The following USP37 variants were observed in gnomAD, a reference collection of about 807,000 sequenced individuals.
USP37 encodes ubiquitin carboxyl-terminal hydrolase 37.
USP37 carries 27 observed loss-of-function variants against 124.0 expected under a neutral mutation model. That is an observed-to-expected ratio of 0.22 (90% CI 0.16 to 0.30). USP37 has a LOEUF of 0.30. Ranked by LOEUF, USP37 falls within the 10% of genes least tolerant of loss-of-function variation. USP37 has a pLI of 1.00. For synonymous variants in USP37, 365 were observed against 388.0 expected, an observed-to-expected ratio of 0.94 and a Z score of 0.70; for missense variants, 889 against 1,140.4, an observed-to-expected ratio of 0.78 and a Z score of 3.17.
chr2:218,556,963 A>T (rs1278394504), intron 4 of USP37, among the ~76,000 whole-genome samples: 1 of 152,114 alleles, frequency 6.6e-6, no homozygotes, highest in Non-Finnish European at 1.5e-5. Flanking sequence ...CACAGGCTCA[A>T]GCCATCTTCC....
intron 10 of USP37, among the ~76,000 whole-genome samples, chr2:218,527,798 G>T (rs911671212): frequency 6.6e-6 from 1 of 152,114 alleles, no homozygotes; most frequent in African/African-American, 2.4e-5. Context: ...AAGTGCTTGA[G>T]ATACCACCCA....
chr2:218,485,271 C>T (rs1475810824), intron 16 of USP37, among the ~76,000 whole-genome samples: 1 of 152,112 alleles, frequency 6.6e-6, no homozygotes, highest in Non-Finnish European at 1.5e-5. Flanking sequence ...TCTCAAGACC[C>T]TTTTTCTCTT....
chr2:218,478,288 G>A (rs562775681), intron 18 of USP37, among the ~76,000 whole-genome samples: 1 of 152,222 alleles, frequency 6.6e-6, no homozygotes, highest in African/African-American at 2.4e-5. Flanking sequence ...GCTCAAAAGG[G>A]TTTTTAGTAT....
At position 218,544,426 on chromosome 2, in the gene USP37, TATATAGAGAGAG is replaced by T. The variant is rs1215946387; in HGVS notation, c.680+1783_680+1794del. ...AAAAAAATATATATATATATATATA[TATATAGAGAGAG>T]AGAGAGAGAGAGAGAGAGAGAGACC... On this transcript the variant is annotated intron_variant, in intron 8 of 25. Coordinates refer to ENST00000258399, the MANE Select transcript of USP37 (RefSeq NM_020935.3). Among the ~76,000 whole-genome samples the T allele has an allele frequency of 4.6e-4, 22 of 47,726 alleles. No individual in the cohort carries two copies. The South Asian group carries it at 4.7e-3, about 10-fold the overall frequency. 31.3% of individuals were successfully genotyped at this position (47,726 alleles called of 152,430 possible).
At chr2:218,474,401 G>A (rs769691491) in intron 20 of USP37, among the ~76,000 whole-genome samples, 10 of 151,882 alleles carry the variant, frequency 6.6e-5, no homozygotes, top group African/African-American at 1.7e-4. Flanking sequence ...TCACTCTGTC[G>A]CCCAGGCTGG....
intron 22 of USP37, among the ~76,000 whole-genome samples, chr2:218,460,617 A>G (rs1454859558): frequency 6.6e-6 from 1 of 152,186 alleles, no homozygotes; most frequent in African/African-American, 2.4e-5. Flanking sequence ...AAAGGATTAT[A>G]AAAAGGTCAA....
chr2:218,497,825 A>T lies in USP37; in HGVS notation c.1190T>A (p.Ile397Asn), dbSNP rs1437068912. ...ATCCTTTTTGGTCTCTGAATTACAG[A>T]TATCTTTTTTAACAAGCAAGTGTGC... is the stretch of plus-strand genomic sequence containing the variant. Reference protein sequence around the residue: ...RFAHLLVKKDICNSETKKDLL... With the variant: ...RFAHLLVKKDNCNSETKKDLL... Residue 397 changes from isoleucine (I) to asparagine (N), a missense_variant, in exon 13 of 26, where the codon ATC (isoleucine) becomes AAC (asparagine). Transcript: ENST00000258399. 1 of 1,614,028 alleles carries T rather than the reference A, an allele frequency of 6.2e-7. No individual in the cohort carries two copies. Among genetic ancestry groups the T allele is most frequent in the South Asian group, 1.1e-5 (1 of 91,080 alleles).
intron 10 of USP37, among the ~76,000 whole-genome samples, chr2:218,510,792 AG>A (rs536206217): frequency 9.9e-5 from 15 of 152,134 alleles, no homozygotes; most frequent in Admixed American, 2.0e-4. Flanking sequence ...CAGGAGTTTG[AG>A]ACCAGCTTGG....
At chr2:218,476,402 T>C (rs1200924772) in intron 19 of USP37, among the ~76,000 whole-genome samples, 1 of 148,098 alleles carries the variant, frequency 6.8e-6, no homozygotes, top group African/African-American at 2.4e-5. Flanking sequence ...AGTAAGACCT[T>C]GTCTCTACAA....
At chr2:218,552,768 T>C (rs1692736131) in intron 5 of USP37, among the ~76,000 whole-genome samples, 2 of 152,120 alleles carry the variant, frequency 1.3e-5, no homozygotes, top group South Asian at 4.1e-4. Context: ...TTCAGAATAA[T>C]TTTCATATAG....
intron 10 of USP37, among the ~76,000 whole-genome samples, chr2:218,522,288 CACACTGGCTCATGCCTGTAAG>C (rs1382543805): frequency 6.6e-6 from 1 of 151,990 alleles, no homozygotes; most frequent in Non-Finnish European, 1.5e-5. Flanking sequence ...TAAGGCTGAG[CACACTGGCTCATGCCTGTAAG>C]CCCAGCACTC....
intron 11 of USP37, among the ~76,000 whole-genome samples, chr2:218,504,603 T>G (rs927648882): frequency 6.6e-6 from 1 of 152,174 alleles, no homozygotes; most frequent in Non-Finnish European, 1.5e-5. Context: ...TTTTTTATTT[T>G]ATTTTATTAT....
intron 3 of USP37, among the ~76,000 whole-genome samples, chr2:218,560,595 G>C (rs895925089): frequency 6.6e-6 from 1 of 152,156 alleles, no homozygotes; most frequent in Non-Finnish European, 1.5e-5. Flanking sequence ...ACTATCTATA[G>C]GGGCTAGCAG....
At chr2:218,503,503 G>A (rs573487712) in intron 11 of USP37, among the ~76,000 whole-genome samples, 1 of 152,318 alleles carries the variant, frequency 6.6e-6, no homozygotes, top group South Asian at 2.1e-4. Flanking sequence ...ATCACCTGAG[G>A]TCAGGAGTTC....
chr2:218,502,021 C>G (rs181633661), intron 11 of USP37, among the ~76,000 whole-genome samples: 44 of 151,882 alleles, frequency 2.9e-4, no homozygotes, highest in African/African-American at 9.9e-4. Flanking sequence ...ACAGAGACTC[C>G]AAAGGAACTA....
In USP37 at chr2:218,535,193, G is replaced by A. The variant is rs184256100; in HGVS notation, c.681-487C>T. Among the ~76,000 whole-genome samples the A allele has an allele frequency of 8.0e-5, 12 of 149,698 alleles. No individual in the cohort carries two copies. The East Asian group carries it at 1.2e-3, about 15-fold the overall frequency. ...AGCCTGGCCAACATAGTGAAACCCC[G>A]TCTCAACTAAAAATACAAAAATTAG... On this transcript the variant is annotated intron_variant, in intron 8 of 25. Coordinates refer to ENST00000258399, the MANE Select transcript of USP37 (RefSeq NM_020935.3).
intron 7 of USP37, among the ~76,000 whole-genome samples, 180 bp downstream of exon 7, chr2:218,546,739 G>C (rs925617415): frequency 6.6e-6 from 1 of 152,060 alleles, no homozygotes; most frequent in Non-Finnish European, 1.5e-5. Context: ...TTTATATGCT[G>C]TATATTTGTA....
intron 20 of USP37, among the ~76,000 whole-genome samples, chr2:218,467,213 G>A (rs1418683033): frequency 6.8e-6 from 1 of 146,424 alleles, no homozygotes; most frequent in Admixed American, 6.8e-5. Context: ...AGGCTGGAGT[G>A]CAGTGGCTCA....
intron 10 of USP37, among the ~76,000 whole-genome samples, chr2:218,510,764 G>A (rs1196940512): frequency 1.3e-5 from 2 of 152,148 alleles, no homozygotes; most frequent in Admixed American, 1.3e-4. Context: ...AGGCCAAGGT[G>A]GGCGGATTGC....
Sources: allele counts gnomAD v4.1 joint callset (sites outside exome capture counted in the v4.1 genomes callset), GRCh38; gene constraint gnomAD v4.1.1; transcripts MANE v1.5; gene names NCBI Gene and HGNC (gene_info 2026-07-23, HGNC 2026-07-21).